The following FNBP1 variants were observed in gnomAD, a reference collection of about 807,000 sequenced individuals.
FNBP1 encodes formin binding protein 1.
In FNBP1, 26 loss-of-function variants were observed where a neutral mutation model predicts 90.6. The observed-to-expected ratio is 0.29, with a 90% CI of 0.21 to 0.40. The LOEUF (loss-of-function observed/expected upper bound fraction) is 0.40. Among genes scored for constraint, FNBP1 ranks in the 10% least tolerant of loss-of-function variants. FNBP1 has a pLI of 1.00. For synonymous variants in FNBP1, 260 were observed against 265.2 expected, an observed-to-expected ratio of 0.98 and a Z score of 0.19; for missense variants, 635 against 768.0, an observed-to-expected ratio of 0.83 and a Z score of 2.05.
chr9:129,900,076 G>C lies in FNBP1; in HGVS notation c.1576C>G (p.Gln526Glu). The change falls in exon 15 of 17, where the codon CAG (glutamine) becomes GAG (glutamate). Residue 526 changes from glutamine (Q) to glutamate (E), a missense_variant. Physicochemically the swap from Gln to Glu is conservative, Grantham distance 29 (BLOSUM62 2). Transcript: ENST00000446176. The surrounding 1 kb of genome is among the most constrained non-coding windows in gnomAD (Gnocchi z 4.1). ...ACCTTCATCTCACTCTCCTGACTCT[G>C]CTCCTCTGTGTAACTGCCATCTGGG... The part of the protein sequence containing the change: ...ESPDGSYTEE[Q>E]SQESEMKVLA... The C allele has an allele frequency of 6.2e-7, 1 of 1,612,696 alleles. No homozygotes were observed. Among genetic ancestry groups the C allele is most frequent in the Non-Finnish European group, 8.5e-7 (1 of 1,179,356 alleles).
chr9:129,958,269 CA>C (rs2047242694), intron 5 of FNBP1, among the ~76,000 whole-genome samples: 1 of 151,766 alleles, frequency 6.6e-6, no homozygotes, highest in African/African-American at 2.4e-5. Flanking sequence ...CCATCTCTAC[CA>C]AAAATACAAA....
chr9:129,890,709 C>T lies in FNBP1; in HGVS notation c.1847-163G>A, dbSNP rs1195157462. On this transcript the variant is annotated intron_variant, in intron 16 of 16. Coordinates refer to ENST00000446176, the MANE Select transcript of FNBP1 (RefSeq NM_015033.3). The surrounding 1 kb of genome is among the most constrained non-coding windows in gnomAD (Gnocchi z 5.8). ...GGCGTCTTAGAGCAATCGGTTACCA[C>T]AGGGCGGGTCTGAGATGAGGAACTT... Among the ~76,000 whole-genome samples, 1 of 152,172 alleles carries T rather than the reference C, an allele frequency of 6.6e-6. No individual in the cohort carries two copies. Among genetic ancestry groups the T allele is most frequent in the Non-Finnish European group, 1.5e-5 (1 of 68,026 alleles).
intron 1 of FNBP1, among the ~76,000 whole-genome samples, chr9:130,015,939 T>G (rs1179457057): frequency 6.6e-6 from 1 of 152,206 alleles, no homozygotes; most frequent in East Asian, 1.9e-4. Flanking sequence ...TCTCCCAAAG[T>G]GCATTTATTT....
At chr9:130,007,596 G>A (rs1467937984) in intron 1 of FNBP1, among the ~76,000 whole-genome samples, 1 of 152,164 alleles carries the variant, frequency 6.6e-6, no homozygotes, top group Non-Finnish European at 1.5e-5. Context: ...AGCCTATTTT[G>A]ACGTTCTTAG....
At chr9:130,049,517 C>G in the FNBP1 span, among the ~76,000 whole-genome samples, 9 of 152,102 alleles carry the variant, frequency 5.9e-5, no homozygotes, top group Non-Finnish European at 7.4e-5. Context: ...AGATTTAGAC[C>G]AGCCTGGGCA....
chr9:130,038,052 TA>T, intron 1 of FNBP1, among the ~76,000 whole-genome samples: 1 of 151,712 alleles, frequency 6.6e-6, no homozygotes, highest in Admixed American at 6.6e-5. Context: ...AAATCACAGG[TA>T]AAAAAAATTA....
At chr9:129,956,484 G>GA (rs1435700133) in intron 6 of FNBP1, among the ~76,000 whole-genome samples, 13 of 152,176 alleles carry the variant, frequency 8.5e-5, no homozygotes, top group African/African-American at 2.4e-4. Context: ...AGCTTCTAGG[G>GA]AAAAAACGCA....
intron 1 of FNBP1, among the ~76,000 whole-genome samples, chr9:130,019,745 C>T (rs547148354): frequency 6.6e-6 from 1 of 152,188 alleles, no homozygotes; most frequent in African/African-American, 2.4e-5. Context: ...ATTTTATTTA[C>T]TTATTTATTA....
At chr9:130,014,024 C>T (rs1237402299) in intron 1 of FNBP1, 3 of 456,494 alleles carry the variant, frequency 6.6e-6, no homozygotes, top group African/African-American at 6.0e-5. Context: ...TAAGACAAAC[C>T]CACCTGTCCA....
intron 1 of FNBP1, 41 bp from the exon 2 acceptor site, chr9:129,994,999 G>C: frequency 1.1e-6 from 1 of 891,066 alleles, no homozygotes; most frequent in Non-Finnish European, 1.9e-6. Flanking sequence ...GTCTTTCCCT[G>C]TGATTAACAT....
At chr9:129,935,120 C>CT (rs1328738135) in intron 6 of FNBP1, among the ~76,000 whole-genome samples, 9 of 125,194 alleles carry the variant, frequency 7.2e-5, no homozygotes, top group Admixed American at 2.7e-4. Context: ...CTGTTTAGCT[C>CT]ATTTTTTTTT....
intron 1 of FNBP1, among the ~76,000 whole-genome samples, chr9:130,026,523 A>G (rs1158701822): frequency 6.6e-6 from 1 of 152,012 alleles, no homozygotes; most frequent in Non-Finnish European, 1.5e-5. Context: ...AGATCTTAAA[A>G]TAAATATTCT....
At chr9:129,998,945 T>C (rs1338276065) in intron 1 of FNBP1, among the ~76,000 whole-genome samples, 2 of 152,194 alleles carry the variant, frequency 1.3e-5, no homozygotes, top group Non-Finnish European at 2.9e-5. Context: ...CAGTAACAAA[T>C]GAGCTGGTGC....
At chr9:129,912,641 T>C (rs927203557) in intron 11 of FNBP1, among the ~76,000 whole-genome samples, 3 of 149,736 alleles carry the variant, frequency 2.0e-5, no homozygotes, top group African/African-American at 7.4e-5. Context: ...TGAGCTGAGA[T>C]TGCGCTACTG....
At chr9:129,949,465 T>C (rs1168543763) in intron 6 of FNBP1, among the ~76,000 whole-genome samples, 1 of 152,158 alleles carries the variant, frequency 6.6e-6, no homozygotes, top group Non-Finnish European at 1.5e-5. Context: ...ACATATACTG[T>C]CTTATAAGGG....
At chr9:129,962,007 T>A (rs2047914308) in intron 4 of FNBP1, among the ~76,000 whole-genome samples, 1 of 152,194 alleles carries the variant, frequency 6.6e-6, no homozygotes, top group Non-Finnish European at 1.5e-5. Flanking sequence ...AGGGATCTCA[T>A]GAACCCTTGC....
intron 1 of FNBP1, among the ~76,000 whole-genome samples, chr9:130,033,204 T>C (rs965713232): frequency 6.6e-6 from 1 of 152,188 alleles, no homozygotes; most frequent in Non-Finnish European, 1.5e-5. Flanking sequence ...TATGCCTTCT[T>C]GTCAAGAGAA....
At position 129,888,721 on chromosome 9, in the gene FNBP1, TC is replaced by T. The variant is rs756299734; in HGVS notation, c.*1817del. On this transcript the variant is annotated 3_prime_UTR_variant, in exon 17 of 17. Coordinates refer to ENST00000446176, the MANE Select transcript of FNBP1 (RefSeq NM_015033.3). ...GCGTCTCTGCGCTTGTGGTTTCTCG[TC>T]CCCGAGGGCTGACTGAGCTGCTCCG... 9.4e-5 allele frequency: 22 copies of T among 233,144 alleles called. No homozygotes were observed. Among genetic ancestry groups the T allele is most frequent in the Non-Finnish European group, 1.4e-4 (17 of 118,076 alleles). 14.4% of individuals were successfully genotyped at this position (233,144 alleles called of 1,614,324 possible).
intron 2 of FNBP1, among the ~76,000 whole-genome samples, chr9:129,992,174 A>G (rs1369949232): frequency 6.6e-6 from 1 of 152,218 alleles, no homozygotes; most frequent in African/African-American, 2.4e-5. Context: ...GCAGGGGAAG[A>G]GCAGGGGCCA....
Sources: allele counts gnomAD v4.1 joint callset (sites outside exome capture counted in the v4.1 genomes callset), GRCh38; gene constraint gnomAD v4.1.1; non-coding constraint Gnocchi (gnomAD v3.1); transcripts MANE v1.5; gene names NCBI Gene and HGNC (gene_info 2026-07-23, HGNC 2026-07-21).